Variants in PABPC4L observed in about 807,000 individuals in gnomAD.
The protein encoded by PABPC4L is polyadenylate-binding protein 4-like.
For synonymous variants in PABPC4L, 169 were observed against 164.1 expected (o/e 1.03, Z -0.23); for missense variants, 452 against 451.4 (o/e 1.00, Z -0.01).
the PABPC4L span, among the ~76,000 whole-genome samples, chr4:134,190,835 A>T: frequency 6.6e-6 from 1 of 152,160 alleles, no homozygotes. Flanking sequence ...TATTTTTAGT[A>T]GAGATGGGGC....
Position 134,197,620 on chromosome 4 carries a change from C to A in PABPC4L, c.*2287G>T, listed in dbSNP as rs1034839556. The A allele has an allele frequency of 6.6e-6, 1 of 151,118 alleles. No individual in the cohort carries two copies. Among genetic ancestry groups the A allele is most frequent in the Non-Finnish European group, 1.5e-5 (1 of 67,484 alleles). 9.4% of individuals were successfully genotyped at this position (151,118 alleles called of 1,614,324 possible). ...AAAAATCCATGTAAATAAAAAACAC[C>A]CCAACAGGAAAATAAATTATGATCA... On this transcript the variant is annotated 3_prime_UTR_variant, in exon 2 of 2. Coordinates refer to ENST00000421491, the MANE Select transcript of PABPC4L (RefSeq NM_001114734.2).
the PABPC4L span, among the ~76,000 whole-genome samples, chr4:134,048,790 A>G: frequency 5.3e-5 from 8 of 152,092 alleles, no homozygotes; most frequent in Non-Finnish European, 1.0e-4. Flanking sequence ...GTGATGTTCC[A>G]GCTAAATTAA....
At chr4:134,048,284 C>G in the PABPC4L span, among the ~76,000 whole-genome samples, 1 of 152,002 alleles carries the variant, frequency 6.6e-6, no homozygotes, top group South Asian at 2.1e-4. Context: ...TAAGAATAGC[C>G]CAGATATTTC....
the PABPC4L span, among the ~76,000 whole-genome samples, chr4:134,167,300 T>A: frequency 6.6e-6 from 1 of 152,096 alleles, no homozygotes; most frequent in Non-Finnish European, 1.5e-5. Flanking sequence ...CCTGTGTGCA[T>A]GTGTGGTAGC....
chr4:133,974,657 A>T, the PABPC4L span, among the ~76,000 whole-genome samples: 6 of 152,114 alleles, frequency 3.9e-5, no homozygotes, highest in African/African-American at 9.7e-5. Flanking sequence ...CTATAAATAA[A>T]TTCTTCATCT....
the PABPC4L span, among the ~76,000 whole-genome samples, chr4:133,948,661 G>A: frequency 6.6e-6 from 1 of 152,122 alleles, no homozygotes; most frequent in East Asian, 1.9e-4. Flanking sequence ...TCCTGTCCTG[G>A]TATAGAGCCA....
chr4:134,154,070 C>G, the PABPC4L span, among the ~76,000 whole-genome samples: 1 of 151,894 alleles, frequency 6.6e-6, no homozygotes, highest in Non-Finnish European at 1.5e-5. Flanking sequence ...CAAGAAAAAT[C>G]ACTCAGTAAA....
chr4:134,045,369 T>G, the PABPC4L span, among the ~76,000 whole-genome samples: 1 of 152,268 alleles, frequency 6.6e-6, no homozygotes, highest in South Asian at 2.1e-4. Flanking sequence ...TACATTTCGG[T>G]TTGGAAGTGC....
chr4:134,095,019 A>C, the PABPC4L span, among the ~76,000 whole-genome samples: 1 of 151,844 alleles, frequency 6.6e-6, no homozygotes, highest in African/African-American at 2.4e-5. Context: ...ATTTAAGAAA[A>C]GTCCATTAAA....
chr4:134,009,441 A>G, the PABPC4L span, among the ~76,000 whole-genome samples: 1,275 of 152,102 alleles, frequency 8.4e-3, 13 homozygotes, highest in African/African-American at 0.029. Flanking sequence ...ATCTGCTCTC[A>G]TTATGTTCTC....
chr4:134,121,572 C>G, the PABPC4L span, among the ~76,000 whole-genome samples: 1 of 151,696 alleles, frequency 6.6e-6, no homozygotes, highest in Admixed American at 6.6e-5. Flanking sequence ...TCCCATAGGT[C>G]TCAATTAAAT....
chr4:133,983,014 T>C, the PABPC4L span, among the ~76,000 whole-genome samples: 2 of 151,964 alleles, frequency 1.3e-5, no homozygotes, highest in African/African-American at 2.4e-5. Flanking sequence ...CATAAACAAA[T>C]AGACTCACCA....
At chr4:134,001,497 G>A in the PABPC4L span, among the ~76,000 whole-genome samples, 6 of 152,014 alleles carry the variant, frequency 3.9e-5, no homozygotes, top group African/African-American at 1.4e-4. Context: ...GACTTTACTA[G>A]TATTACTTTC....
the PABPC4L span, among the ~76,000 whole-genome samples, chr4:133,990,130 A>G: frequency 6.6e-6 from 1 of 152,170 alleles, no homozygotes; most frequent in African/African-American, 2.4e-5. Flanking sequence ...AAATCATATC[A>G]TACTTCATTT....
chr4:134,076,616 A>T, the PABPC4L span, among the ~76,000 whole-genome samples: 1 of 152,232 alleles, frequency 6.6e-6, no homozygotes, highest in Non-Finnish European at 1.5e-5. Flanking sequence ...GATAAGACTG[A>T]TGGAGGTAAT....
At chr4:134,032,110 A>AAAGGAAAAAGGG in the PABPC4L span, among the ~76,000 whole-genome samples, 1 of 151,830 alleles carries the variant, frequency 6.6e-6, no homozygotes, top group Admixed American at 6.6e-5. Context: ...ATACAGAAAT[A>AAAGGAAAAAGGG]AAGGAAAAAG....
chr4:134,112,744 T>A, the PABPC4L span, among the ~76,000 whole-genome samples: 2 of 152,010 alleles, frequency 1.3e-5, no homozygotes, highest in Non-Finnish European at 2.9e-5. Context: ...CATATATTTG[T>A]AGGTGATTTT....
chr4:134,189,340 A>G, the PABPC4L span, among the ~76,000 whole-genome samples: 1 of 151,446 alleles, frequency 6.6e-6, no homozygotes, highest in East Asian at 1.9e-4. Context: ...GCCATTTAGT[A>G]TATTTCACAG....
At chr4:134,159,022 A>G in the PABPC4L span, among the ~76,000 whole-genome samples, 2 of 152,186 alleles carry the variant, frequency 1.3e-5, no homozygotes, top group Non-Finnish European at 2.9e-5. Flanking sequence ...CGGTAAAAAT[A>G]GAACATAAAA....
Sources: allele counts gnomAD v4.1 joint callset (sites outside exome capture counted in the v4.1 genomes callset), GRCh38; gene constraint gnomAD v4.1.1; transcripts MANE v1.5; gene names NCBI Gene and HGNC (gene_info 2026-07-23, HGNC 2026-07-21).